TTC39B: variants seen among roughly 807,000 people sequenced by gnomAD.
TTC39B encodes the protein tetratricopeptide repeat domain 39B.
In TTC39B, 92 loss-of-function variants were observed where a neutral mutation model predicts 96.6. The observed-to-expected ratio is 0.95, with a 90% confidence interval of 0.80 to 1.13. The LOEUF (loss-of-function observed/expected upper bound fraction) is 1.13, where lower values mean the gene tolerates loss of function less well. Ranked by LOEUF, TTC39B falls within the 50% of genes most tolerant of loss-of-function variation. The pLI is 0.00. For synonymous variants in TTC39B, 367 were observed against 299.4 expected (o/e 1.23, Z -2.33); for missense variants, 955 against 809.3 (o/e 1.18, Z -2.18).
intron 6 of TTC39B, among the ~76,000 whole-genome samples, chr9:15,209,220 A>C (rs368675088): frequency 6.6e-4 from 101 of 152,190 alleles, no homozygotes; most frequent in African/African-American, 2.4e-3. Flanking sequence ...ACTATTGTGG[A>C]CTAGAGTGTA....
intron 18 of TTC39B, among the ~76,000 whole-genome samples, chr9:15,177,341 A>AAAAAG (rs1270636161): frequency 6.6e-6 from 1 of 152,212 alleles, no homozygotes; most frequent in Non-Finnish European, 1.5e-5. Context: ...TCTCTTAAAA[A>AAAAAG]AAAAGAAAAG....
intron 1 of TTC39B, among the ~76,000 whole-genome samples, chr9:15,278,266 G>C (rs997025746): frequency 6.6e-6 from 1 of 152,020 alleles, no homozygotes; most frequent in Admixed American, 6.6e-5. Flanking sequence ...CATTATCATA[G>C]AATACTCACA....
intron 1 of TTC39B, among the ~76,000 whole-genome samples, chr9:15,282,746 A>C (rs1183054702): frequency 2.6e-5 from 4 of 152,148 alleles, no homozygotes; most frequent in Non-Finnish European, 5.9e-5. Flanking sequence ...CATATGATGA[A>C]ACTGGAGCAC....
At chr9:15,178,305 G>C (rs1818067970) in intron 17 of TTC39B, among the ~76,000 whole-genome samples, 1 of 152,128 alleles carries the variant, frequency 6.6e-6, no homozygotes, top group African/African-American at 2.4e-5. Context: ...GGGCACAGTG[G>C]CTCACATCTG....
In TTC39B at chr9:15,306,049, T is replaced by C. The variant is rs1188271063; in HGVS notation, c.240+1035A>G. Among the ~76,000 whole-genome samples, 1 of 152,208 alleles carries C rather than the reference T, an allele frequency of 6.6e-6. No homozygotes were observed. Among genetic ancestry groups the C allele is most frequent in the Non-Finnish European group, 1.5e-5 (1 of 68,038 alleles). The stretch of plus-strand genomic sequence containing the variant: ...GAGCACATTTAAAGTATAGTCTTCC[T>C]TGTCAGGAGATTCCTGGCACTAAAG... On this transcript the variant is annotated intron_variant, in intron 1 of 19. Transcript: ENST00000512701. The surrounding 1 kb of genome is among the most constrained non-coding windows in gnomAD (Gnocchi z 5.1).
At chr9:15,183,391 C>A in intron 16 of TTC39B, 1 of 419,056 alleles carries the variant, frequency 2.4e-6, no homozygotes, top group Non-Finnish European at 4.7e-6. Context: ...TTGATAAAAT[C>A]TTTTTATCAG....
chr9:15,210,491 A>G (rs1346231027), intron 5 of TTC39B, among the ~76,000 whole-genome samples: 1 of 152,256 alleles, frequency 6.6e-6, no homozygotes, highest in Non-Finnish European at 1.5e-5. Flanking sequence ...CAGGTTAAAA[A>G]TGAAGTTAAA....
chr9:15,177,659 C>A, intron 18 of TTC39B, 38 bp downstream of exon 18: 2 of 1,429,700 alleles, frequency 1.4e-6, no homozygotes, highest in East Asian at 2.3e-5. Context: ...CCAGAAACCA[C>A]AATTTGCACT....
chr9:15,278,885 A>T (rs1003734456), intron 1 of TTC39B, among the ~76,000 whole-genome samples: 1 of 152,248 alleles, frequency 6.6e-6, no homozygotes, highest in Non-Finnish European at 1.5e-5. Flanking sequence ...TTGAGTGCCA[A>T]ACATTGCTCA....
chr9:15,250,325 T>C (rs780323948), intron 2 of TTC39B: 401 of 541,062 alleles, frequency 7.4e-4, no homozygotes, highest in Middle Eastern at 8.8e-4. Flanking sequence ...AACATACAAA[T>C]GGCCTGGATT....
chr9:15,181,686 A>G (rs758955115), intron 17 of TTC39B, among the ~76,000 whole-genome samples: 2 of 152,230 alleles, frequency 1.3e-5, no homozygotes, highest in Non-Finnish European at 2.9e-5. Context: ...GCAGAAACAC[A>G]CTAATGGTTA....
intron 6 of TTC39B, among the ~76,000 whole-genome samples, chr9:15,207,909 G>A (rs1375925892): frequency 6.7e-6 from 1 of 149,708 alleles, no homozygotes; most frequent in Non-Finnish European, 1.5e-5. Flanking sequence ...GTGTGAACCT[G>A]GGAGGCGGAG....
chr9:15,302,946 G>C (rs1824647676), intron 1 of TTC39B, among the ~76,000 whole-genome samples: 2 of 152,066 alleles, frequency 1.3e-5, no homozygotes, highest in African/African-American at 4.8e-5. Flanking sequence ...GAGGCGGCCG[G>C]ATCACGAGGT....
At chr9:15,303,639 T>C (rs1824670112) in intron 1 of TTC39B, among the ~76,000 whole-genome samples, 1 of 152,072 alleles carries the variant, frequency 6.6e-6, no homozygotes, top group Non-Finnish European at 1.5e-5. Context: ...AAAAATTTTT[T>C]TTTTTTTTCT....
intron 1 of TTC39B, among the ~76,000 whole-genome samples, chr9:15,289,533 A>T (rs1824103219): frequency 1.3e-5 from 2 of 152,370 alleles, no homozygotes; most frequent in South Asian, 4.1e-4. Context: ...TTACTTGCTC[A>T]AAGGCACAAT....
Position 15,181,399 on chromosome 9 carries a change from C to T in TTC39B, c.1723+908G>A, listed in dbSNP as rs148064401. Among the ~76,000 whole-genome samples, 437 of 152,186 alleles carry T rather than the reference C, an allele frequency of 2.9e-3. 1 individual carries two copies. Among genetic ancestry groups the T allele is most frequent in the African/African-American group, 9.9e-3 (411 of 41,508 alleles). On this transcript the variant is annotated intron_variant, in intron 17 of 19. Coordinates refer to ENST00000512701, the Ensembl canonical transcript of TTC39B. ...AGGCTATCACTTATGGCATGGTTTACCCCTCTTAAAAATACAGAATCAAAA... is the reference window on the plus strand; with the variant it reads ...AGGCTATCACTTATGGCATGGTTTATCCCTCTTAAAAATACAGAATCAAAA...
At chr9:15,286,827 G>GGAA (rs1823990110) in intron 1 of TTC39B, among the ~76,000 whole-genome samples, 1 of 152,008 alleles carries the variant, frequency 6.6e-6, no homozygotes, top group Non-Finnish European at 1.5e-5. Flanking sequence ...TGCACTCAAG[G>GGAA]ATTCCTATTA....
At chr9:15,279,454 C>A (rs1823671098) in intron 1 of TTC39B, among the ~76,000 whole-genome samples, 1 of 152,184 alleles carries the variant, frequency 6.6e-6, no homozygotes, top group Admixed American at 6.5e-5. Flanking sequence ...CTTGAGCTCA[C>A]AAGCTTAGAA....
rs1333221281 is a variant in TTC39B at position 15,233,475 on chromosome 9, C to G, written c.276-7463G>C. ...TCCCTGCCTGATTCTCCTGCCTCAG[C>G]CTGCCCAGTGCCTGCGATTGCAGGC... On this transcript the variant is annotated intron_variant, in intron 2 of 19. Coordinates refer to ENST00000512701, the Ensembl canonical transcript of TTC39B. 2.6e-5 allele frequency among the ~76,000 whole-genome samples: 4 copies of G among 151,776 alleles called. 1 individual carries two copies. Among genetic ancestry groups the G allele is most frequent in the Admixed American group, 2.0e-4 (3 of 15,270 alleles).
Sources: gnomAD v4.1 joint callset for allele counts (sites outside exome capture counted in the v4.1 genomes callset) on GRCh38, gnomAD v4.1.1 for gene constraint, Gnocchi (gnomAD v3.1) non-coding constraint, MANE v1.5 for transcripts, NCBI Gene and HGNC (gene_info 2026-07-23, HGNC 2026-07-21) for gene names.